Variants in OSBPL10 observed in about 807,000 individuals in gnomAD.
OSBPL10 encodes oxysterol-binding protein-related protein 10.
In OSBPL10, 49 loss-of-function variants were observed where a neutral mutation model predicts 81.7. That is an observed-to-expected ratio of 0.60 (90% CI 0.48 to 0.76). OSBPL10 has a LOEUF of 0.76. Among genes scored for constraint, OSBPL10 ranks in the 30% least tolerant of loss-of-function variants. OSBPL10 has a pLI of 0.00. For synonymous variants in OSBPL10, 419 were observed against 383.6 expected, an observed-to-expected ratio of 1.09 and a Z score of -1.08; for missense variants, 923 against 987.8, an observed-to-expected ratio of 0.93 and a Z score of 0.88.
At chr3:31,695,810 T>C (rs1285633154) in intron 7 of OSBPL10, among the ~76,000 whole-genome samples, 2 of 152,200 alleles carry the variant, frequency 1.3e-5, no homozygotes, top group African/African-American at 2.4e-5. Context: ...CTTTGCTCTT[T>C]ATCACTCTCA....
intron 1 of OSBPL10, among the ~76,000 whole-genome samples, chr3:32,069,494 G>A (rs1699809337): frequency 6.6e-6 from 1 of 152,130 alleles, no homozygotes; most frequent in Non-Finnish European, 1.5e-5. Flanking sequence ...ACTACCCAAG[G>A]TAAAGACGAA....
In OSBPL10 at chr3:31,791,633, T is replaced by G. The variant is rs192368214; in HGVS notation, c.729+38407A>C. Among the ~76,000 whole-genome samples, 388 of 152,148 alleles carry G rather than the reference T, an allele frequency of 2.6e-3. 2 individuals carry two copies. The highest frequency in any genetic ancestry group is 8.7e-3 in the African/African-American group (362 of 41,520). On this transcript the variant is annotated intron_variant, in intron 4 of 11. Coordinates refer to ENST00000396556, the MANE Select transcript of OSBPL10 (RefSeq NM_017784.5). ...CATGTAAGACAGCACACTAGTGACTTAAAGAGGTTTTTGTTTTTTTTTTCC... is the reference window on the plus strand; with the variant it reads ...CATGTAAGACAGCACACTAGTGACTGAAAGAGGTTTTTGTTTTTTTTTTCC...
chr3:31,834,664 G>A (rs958766734), intron 3 of OSBPL10, among the ~76,000 whole-genome samples: 4 of 152,192 alleles, frequency 2.6e-5, no homozygotes, highest in Admixed American at 1.3e-4. Context: ...AGGGGTGCTT[G>A]GAAAAGGAGA....
rs575265479 is a variant in OSBPL10, at chr3:31,931,847, T to G, written c.281+49052A>C. On this transcript the variant is annotated intron_variant, in intron 1 of 11. Transcript: ENST00000396556. ...ATCCTATCACTTTGGGAGCCTGAGG[T>G]GGGTGGATCTCTTGAGTCCCAGAGT... is the stretch of plus-strand genomic sequence containing the variant. Among the ~76,000 whole-genome samples, 4 of 152,194 alleles carry G rather than the reference T, an allele frequency of 2.6e-5. No homozygotes were observed. The East Asian group carries it at 7.7e-4, about 29-fold the overall frequency.
intron 5 of OSBPL10, among the ~76,000 whole-genome samples, chr3:31,743,018 A>G (rs2125687224): frequency 6.7e-6 from 1 of 148,616 alleles, no homozygotes; most frequent in African/African-American, 2.5e-5. Flanking sequence ...GTCTTGACCG[A>G]AAAGCTAAAT....
intron 4 of OSBPL10, among the ~76,000 whole-genome samples, chr3:31,802,218 G>T (rs955702945): frequency 6.6e-6 from 1 of 151,938 alleles, no homozygotes; most frequent in African/African-American, 2.4e-5. Context: ...AGGTAACAAG[G>T]GGCAGGGTTG....
chr3:31,785,907 C>T (rs184960313), intron 4 of OSBPL10, among the ~76,000 whole-genome samples: 11 of 152,280 alleles, frequency 7.2e-5, no homozygotes, highest in African/African-American at 2.4e-4. Context: ...AAAATGGCCA[C>T]AGTTATGATT....
intron 4 of OSBPL10, among the ~76,000 whole-genome samples, chr3:31,771,985 T>C (rs867330279): frequency 3.3e-5 from 5 of 152,318 alleles, no homozygotes; most frequent in Middle Eastern, 3.4e-3. Context: ...AAACAATAGA[T>C]TCAGTGTAAA....
chr3:32,007,648 C>T (rs1370827719), intron 2 of OSBPL10, among the ~76,000 whole-genome samples: 1 of 152,162 alleles, frequency 6.6e-6, no homozygotes, highest in Non-Finnish European at 1.5e-5. Flanking sequence ...CTAATGATTG[C>T]ATTTAGCACC....
chr3:32,032,910 A>T (rs1174185522), intron 2 of OSBPL10, among the ~76,000 whole-genome samples: 2 of 152,236 alleles, frequency 1.3e-5, no homozygotes. Context: ...TTGTTGGAGG[A>T]CCATTGAAAG....
At chr3:31,712,757 C>T (rs919956571) in intron 6 of OSBPL10, among the ~76,000 whole-genome samples, 5 of 152,240 alleles carry the variant, frequency 3.3e-5, no homozygotes, top group African/African-American at 9.6e-5. Flanking sequence ...TCATTTGTTA[C>T]AGCAGTGAAA....
chr3:31,934,706 A>AT (rs776402800), intron 1 of OSBPL10, among the ~76,000 whole-genome samples: 11 of 152,094 alleles, frequency 7.2e-5, no homozygotes, highest in Non-Finnish European at 1.3e-4. Context: ...AAGGCTGACT[A>AT]TATTACTACA....
chr3:31,783,146 T>TATACAC (rs1485968747), intron 4 of OSBPL10, among the ~76,000 whole-genome samples: 18 of 113,016 alleles, frequency 1.6e-4, no homozygotes, highest in Middle Eastern at 5.2e-3. Context: ...TATATATATA[T>TATACAC]ACACACACAC....
intron 3 of OSBPL10, among the ~76,000 whole-genome samples, chr3:31,841,884 A>G (rs1476613456): frequency 4.6e-5 from 7 of 152,244 alleles, no homozygotes; most frequent in Admixed American, 3.3e-4. Flanking sequence ...ACTAAGCTGT[A>G]TAATTTGAAA....
chr3:31,896,223 G>A (rs1696053311), intron 1 of OSBPL10, among the ~76,000 whole-genome samples: 1 of 152,074 alleles, frequency 6.6e-6, no homozygotes, highest in African/African-American at 2.4e-5. Flanking sequence ...ACTTTGTAGA[G>A]GAAAGAGTTA....
intron 5 of OSBPL10, among the ~76,000 whole-genome samples, chr3:31,735,594 G>A (rs4438695): frequency 0.42 from 63,613 of 151,866 alleles, 13,701 homozygotes; most frequent in East Asian, 0.65. Context: ...ATTTTTTTCC[G>A]TTTCTCAAAT....
At chr3:31,789,779 C>G (rs762591601) in intron 4 of OSBPL10, among the ~76,000 whole-genome samples, 20 of 152,152 alleles carry the variant, frequency 1.3e-4, no homozygotes, top group Non-Finnish European at 2.5e-4. Flanking sequence ...AAGGTTCTTT[C>G]CTCTCTCCTT....
At chr3:31,762,947 G>A (rs771635011) in intron 4 of OSBPL10, among the ~76,000 whole-genome samples, 1 of 151,956 alleles carries the variant, frequency 6.6e-6, no homozygotes, top group East Asian at 1.9e-4. Context: ...CAGCACAAAG[G>A]CTCACATACA....
intron 1 of OSBPL10, among the ~76,000 whole-genome samples, chr3:31,959,104 T>A (rs1698086647): frequency 6.6e-6 from 1 of 152,184 alleles, no homozygotes; most frequent in Admixed American, 6.5e-5. Flanking sequence ...ACATGCTGCA[T>A]TTGCCAACAA....
Sources: gnomAD v4.1 joint callset for allele counts (sites outside exome capture counted in the v4.1 genomes callset) on GRCh38, gnomAD v4.1.1 for gene constraint, MANE v1.5 for transcripts, NCBI Gene and HGNC (gene_info 2026-07-23, HGNC 2026-07-21) for gene names.